Variants in KYAT3 observed in about 807,000 individuals in gnomAD.
The protein encoded by KYAT3 is kynurenine--oxoglutarate transaminase 3.
A neutral mutation model predicts 59.0 loss-of-function variants in KYAT3; 50 were observed. The observed-to-expected ratio is 0.85, with a 90% CI of 0.68 to 1.07. KYAT3 has a LOEUF of 1.07. KYAT3 is among the 50% of genes least tolerant of loss of function. The pLI, the probability that KYAT3 is intolerant of heterozygous loss-of-function variation, is 0.00. For missense variants in KYAT3, 497 were observed against 533.3 expected, an observed-to-expected ratio of 0.93 and a Z score of 0.67; for synonymous variants, 148 against 177.0, an observed-to-expected ratio of 0.84 and a Z score of 1.30.
intron 13 of KYAT3, 135 bp downstream of exon 13, chr1:88,942,870 G>A (rs1167270103): frequency 2.6e-5 from 18 of 691,502 alleles, no homozygotes; most frequent in Non-Finnish European, 4.2e-5. Flanking sequence ...CCAGTAAGCA[G>A]TTAATTTTAA....
chr1:88,942,030 C>G (rs1422366937), intron 13 of KYAT3, among the ~76,000 whole-genome samples: 1 of 152,060 alleles, frequency 6.6e-6, no homozygotes, highest in Non-Finnish European at 1.5e-5. Flanking sequence ...TATTCTCTCT[C>G]TTTTTTTTCT....
intron 8 of KYAT3, among the ~76,000 whole-genome samples, chr1:88,956,778 G>A (rs1197247599): frequency 6.6e-6 from 1 of 152,198 alleles, no homozygotes; most frequent in Admixed American, 6.5e-5. Flanking sequence ...GCAAGAGTTT[G>A]TAAATTTTGC....
the KYAT3 span, among the ~76,000 whole-genome samples, chr1:88,930,338 G>A: frequency 4.6e-5 from 7 of 152,172 alleles, no homozygotes; most frequent in African/African-American, 1.7e-4. Context: ...TTACTTGAAG[G>A]GCCAGTGCTG....
At chr1:88,964,403 T>A (rs2101049245) in intron 5 of KYAT3, among the ~76,000 whole-genome samples, 1 of 152,302 alleles carries the variant, frequency 6.6e-6, no homozygotes, top group South Asian at 2.1e-4. Flanking sequence ...AAAATAAGAA[T>A]AAATTATATG....
At chr1:88,945,727 A>C (rs1675415978) in intron 11 of KYAT3, among the ~76,000 whole-genome samples, 2 of 152,238 alleles carry the variant, frequency 1.3e-5, no homozygotes, top group African/African-American at 4.8e-5. Flanking sequence ...AGCTACGATT[A>C]AATAAGAGTT....
At chr1:88,957,882 G>C (rs1675980089) in intron 8 of KYAT3, among the ~76,000 whole-genome samples, 1 of 152,100 alleles carries the variant, frequency 6.6e-6, no homozygotes, top group South Asian at 2.1e-4. Context: ...TTGAGACAGA[G>C]GTCACCAACA....
intron 10 of KYAT3, among the ~76,000 whole-genome samples, chr1:88,950,541 GAT>G (rs1349811525): frequency 1.3e-5 from 2 of 151,214 alleles, no homozygotes; most frequent in Non-Finnish European, 2.9e-5. Flanking sequence ...TACTATAGGA[GAT>G]ACTGCCTTAG....
chr1:88,980,588 A>G (rs1203253513), intron 2 of KYAT3: 1 of 152,666 alleles, frequency 6.6e-6, no homozygotes, highest in East Asian at 1.9e-4. Flanking sequence ...TAAACCCAGA[A>G]GAATCAAGAT....
chr1:88,964,524 C>G, intron 5 of KYAT3: 2 of 286,640 alleles, frequency 7.0e-6, no homozygotes, highest in South Asian at 3.8e-5. Context: ...TGAAAACAAG[C>G]CTATGGTAAT....
chr1:88,943,726 CT>C (rs1380723546), intron 11 of KYAT3, among the ~76,000 whole-genome samples: 2 of 152,146 alleles, frequency 1.3e-5, no homozygotes, highest in African/African-American at 4.8e-5. Flanking sequence ...GGAGGGATGC[CT>C]TTCCATTGAG....
Position 88,943,345 on chromosome 1 carries a change from A to G in KYAT3, c.1215+5T>C. ...CAGAATCTTGCAAAGAACAATAAAC[A>G]TTACCTTATGTTTAGTCATCCATTT... On this transcript the variant is annotated splice_donor_5th_base_variant and intron_variant, in intron 12 of 13. Transcript: ENST00000260508. 1 of 1,471,572 alleles carries G rather than the reference A, an allele frequency of 6.8e-7. No individual in the cohort carries two copies. The highest frequency in any genetic ancestry group is 9.4e-7 in the Non-Finnish European group (1 of 1,062,198). The allele number at this position is 1,471,572 out of a possible 1,614,324, so 91.2% of individuals were successfully genotyped here. A position where few individuals can be genotyped will look rare whatever the true frequency, so the allele number is the denominator to read the frequency against.
chr1:88,937,382 G>C (rs1408525857), intron 13 of KYAT3, among the ~76,000 whole-genome samples: 1 of 152,156 alleles, frequency 6.6e-6, no homozygotes, highest in Non-Finnish European at 1.5e-5. Context: ...CAGTGGCTTT[G>C]ACAGGAGATT....
chr1:88,960,325 CT>C (rs1170835358), intron 8 of KYAT3, among the ~76,000 whole-genome samples: 4 of 151,986 alleles, frequency 2.6e-5, no homozygotes, highest in African/African-American at 9.7e-5. Context: ...TCAACAATTT[CT>C]TTCTAATTCT....
intron 11 of KYAT3, among the ~76,000 whole-genome samples, chr1:88,946,418 C>T (rs570304703): frequency 6.6e-6 from 1 of 151,940 alleles, no homozygotes; most frequent in Non-Finnish European, 1.5e-5. Context: ...CCGCCTTGGC[C>T]TCCCAAAGTG....
At chr1:88,954,951 A>G (rs1250884008) in intron 9 of KYAT3, among the ~76,000 whole-genome samples, 198 bp downstream of exon 9, 1 of 152,150 alleles carries the variant, frequency 6.6e-6, no homozygotes, top group Non-Finnish European at 1.5e-5. Flanking sequence ...GTATTTGTAG[A>G]GACAGGGTCT....
intron 10 of KYAT3, among the ~76,000 whole-genome samples, chr1:88,950,008 C>G (rs185650037): frequency 3.3e-5 from 5 of 152,190 alleles, no homozygotes; most frequent in African/African-American, 1.2e-4. Flanking sequence ...AAGGGTAGAG[C>G]CCTCAGGAAC....
In KYAT3 at chr1:88,949,102, A is replaced by AT; in HGVS notation, c.1129_1130insA (p.Val377AspfsTer10). The AT allele has an allele frequency of 6.3e-7, 1 of 1,581,304 alleles. No homozygotes were observed. The highest frequency in any genetic ancestry group is 2.0e-5 in the Admixed American group (1 of 50,866). ...AAGCCTTTACAAACCTAGCAAAGAC[A>AT]CATCAGCGATGATGAAGTATCCTCC... On this transcript the variant is annotated frameshift_variant, in exon 11 of 14. Transcript: ENST00000260508. LOFTEE classifies it high-confidence loss of function.
At chr1:88,987,354 A>G (rs1042582147) in intron 2 of KYAT3, among the ~76,000 whole-genome samples, 1 of 152,180 alleles carries the variant, frequency 6.6e-6, no homozygotes, top group African/African-American at 2.4e-5. Flanking sequence ...CATAAAGAGG[A>G]GAGAATTCAA....
chr1:88,962,160 A>T lies in KYAT3; in HGVS notation c.454-15T>A. ...ATTAGTATGACCTGCAATAAAAGCA[A>T]ATAAGATCACAACCTGTCAATCATT... On this transcript the variant is annotated splice_polypyrimidine_tract_variant and intron_variant, in intron 5 of 13. Transcript: ENST00000260508. The T allele has an allele frequency of 1.3e-6, 2 of 1,559,820 alleles. No individual in the cohort carries two copies. Among genetic ancestry groups the T allele is most frequent in the Non-Finnish European group, 1.8e-6 (2 of 1,130,416 alleles).
Sources: gnomAD v4.1 joint callset for allele counts (sites outside exome capture counted in the v4.1 genomes callset) on GRCh38, gnomAD v4.1.1 for gene constraint, MANE v1.5 for transcripts, NCBI Gene and HGNC (gene_info 2026-07-23, HGNC 2026-07-21) for gene names.